Variants in NRXN3 observed in about 807,000 individuals in gnomAD.
NRXN3 encodes neurexin III.
Under a neutral mutation model 137.6 loss-of-function variants are expected in NRXN3, and 32 were observed. The ratio of observed to expected loss-of-function variants is 0.23; its 90% CI spans 0.18 to 0.31. The LOEUF (loss-of-function observed/expected upper bound fraction) is 0.31. Ranked by LOEUF, NRXN3 falls within the 10% of genes least tolerant of loss-of-function variation. NRXN3 has a pLI of 1.00. For synonymous variants in NRXN3, 798 were observed against 784.5 expected (o/e 1.02, Z -0.29); for missense variants, 1,574 against 2,062.5 (o/e 0.76, Z 4.59).
At chr14:79,787,355 C>T (rs1427782275) in intron 19 of NRXN3, among the ~76,000 whole-genome samples, 1 of 152,184 alleles carries the variant, frequency 6.6e-6, no homozygotes, top group Non-Finnish European at 1.5e-5. Flanking sequence ...GGATAATTAA[C>T]ATACTCATCA....
At chr14:78,484,155 C>T (rs4903768) in intron 4 of NRXN3, among the ~76,000 whole-genome samples, 47,489 of 151,898 alleles carry the variant, frequency 0.31, 8,782 homozygotes, top group Admixed American at 0.41. Context: ...AATGCAGCTG[C>T]GGAATAATAC....
intron 4 of NRXN3, among the ~76,000 whole-genome samples, chr14:78,591,341 G>A (rs1187750607): frequency 6.6e-6 from 1 of 152,152 alleles, no homozygotes; most frequent in Non-Finnish European, 1.5e-5. Flanking sequence ...CATAGGCCTG[G>A]AGTGGAACCC....
chr14:78,300,734 C>T, intron 4 of NRXN3: 1 of 1,377,176 alleles, frequency 7.3e-7, no homozygotes, highest in Non-Finnish European at 1.0e-6. Flanking sequence ...ATCAATCTGC[C>T]TTTTGAAATA....
chr14:79,326,991 C>CA (rs2090985206), intron 15 of NRXN3, among the ~76,000 whole-genome samples: 1 of 152,140 alleles, frequency 6.6e-6, no homozygotes, highest in South Asian at 2.1e-4. Context: ...AAAAAGTGCT[C>CA]AGTCTCTCAT....
At chr14:79,498,952 C>CT (rs1424260978) in intron 16 of NRXN3, among the ~76,000 whole-genome samples, 1 of 152,124 alleles carries the variant, frequency 6.6e-6, no homozygotes, top group Admixed American at 6.6e-5. Context: ...GCCCAGTTAA[C>CT]TTTTTTCTTT....
intron 15 of NRXN3, among the ~76,000 whole-genome samples, chr14:79,116,936 A>G (rs1782558990): frequency 6.6e-6 from 1 of 152,242 alleles, no homozygotes; most frequent in African/African-American, 2.4e-5. Flanking sequence ...GATTTCTGCA[A>G]CTTTCATCTC....
At chr14:78,837,205 C>T (rs1377206776) in intron 10 of NRXN3, among the ~76,000 whole-genome samples, 1 of 152,208 alleles carries the variant, frequency 6.6e-6, no homozygotes, top group Non-Finnish European at 1.5e-5. Context: ...CATTACTATC[C>T]TTAAATCTAA....
chr14:78,839,556 G>C (rs1049391184), intron 10 of NRXN3, among the ~76,000 whole-genome samples: 1 of 152,196 alleles, frequency 6.6e-6, no homozygotes, highest in Admixed American at 6.5e-5. Context: ...AGGAGGTGCA[G>C]ATCCTGAGAT....
chr14:78,561,568 G>T (rs976877395), intron 4 of NRXN3, among the ~76,000 whole-genome samples: 2 of 152,188 alleles, frequency 1.3e-5, no homozygotes. Flanking sequence ...AGGGGAAAAT[G>T]AGGAACTAAG....
At chr14:78,306,248 A>G (rs1367083302) in intron 4 of NRXN3, among the ~76,000 whole-genome samples, 1 of 152,168 alleles carries the variant, frequency 6.6e-6, no homozygotes, top group Non-Finnish European at 1.5e-5. Flanking sequence ...GGATTTATTG[A>G]TTACTTATAG....
intron 4 of NRXN3, among the ~76,000 whole-genome samples, chr14:78,359,838 G>A (rs999777552): frequency 6.6e-6 from 1 of 152,150 alleles, no homozygotes; most frequent in African/African-American, 2.4e-5. Context: ...CTCTCTTTCC[G>A]TGGAGGTGTT....
intron 4 of NRXN3, among the ~76,000 whole-genome samples, chr14:78,547,020 TC>T (rs1216079086): frequency 6.6e-6 from 1 of 152,160 alleles, no homozygotes; most frequent in Non-Finnish European, 1.5e-5. Context: ...GCCACTCTTT[TC>T]CCACTGAATT....
At chr14:79,505,154 G>T (rs2096865192) in intron 16 of NRXN3, among the ~76,000 whole-genome samples, 1 of 150,710 alleles carries the variant, frequency 6.6e-6, no homozygotes, top group Admixed American at 6.6e-5. Context: ...GGTGAAGGTT[G>T]CAGTGAGCCA....
At chr14:78,928,092 A>T (rs763041130) in intron 10 of NRXN3, among the ~76,000 whole-genome samples, 33 of 152,174 alleles carry the variant, frequency 2.2e-4, no homozygotes, top group Non-Finnish European at 3.8e-4. Flanking sequence ...AGTTGTCCAC[A>T]GCAATAGTGG....
chr14:79,474,038 T>C (rs956892181), intron 16 of NRXN3, among the ~76,000 whole-genome samples: 83 of 152,172 alleles, frequency 5.5e-4, no homozygotes, highest in African/African-American at 1.8e-3. Context: ...TCTGTTTACT[T>C]TGATTCCACA....
At chr14:78,203,385 C>T (rs1473360107) in intron 1 of NRXN3, among the ~76,000 whole-genome samples, 6 of 152,252 alleles carry the variant, frequency 3.9e-5, no homozygotes, top group Admixed American at 6.5e-5. Context: ...ACATCAGTGA[C>T]GAGTAGCCTG....
Position 79,109,805 on chromosome 14 carries a change from T to C in NRXN3, c.3262+121664T>C, listed in dbSNP as rs145909375. Among the ~76,000 whole-genome samples the C allele has an allele frequency of 3.4e-3, 521 of 152,278 alleles. 2 individuals are homozygous for C. Among genetic ancestry groups the C allele is most frequent in the African/African-American group, 0.012 (492 of 41,550 alleles). On this transcript the variant is annotated intron_variant, in intron 15 of 20. Transcript: ENST00000335750. The stretch of plus-strand genomic sequence containing the variant: ...TAAGTATCGTTTGTCATGCAAGGGC[T>C]AATTAACCTTGAAAATAAGCATTGG...
chr14:78,858,246 T>A (rs1013257558), intron 10 of NRXN3, among the ~76,000 whole-genome samples: 1 of 152,120 alleles, frequency 6.6e-6, no homozygotes, highest in African/African-American at 2.4e-5. Flanking sequence ...AACCCTTGAC[T>A]GCAGCCCTGA....
intron 10 of NRXN3, among the ~76,000 whole-genome samples, chr14:78,912,019 A>C (rs1272377493): frequency 1.3e-5 from 2 of 151,294 alleles, no homozygotes; most frequent in African/African-American, 4.9e-5. Context: ...TGCTGCACCC[A>C]TTAACTCGTC....
Sources: allele counts gnomAD v4.1 joint callset (sites outside exome capture counted in the v4.1 genomes callset), GRCh38; gene constraint gnomAD v4.1.1; transcripts MANE v1.5; gene names NCBI Gene and HGNC (gene_info 2026-07-23, HGNC 2026-07-21).